NOL10: variants seen among roughly 807,000 people sequenced by gnomAD.
NOL10 encodes the protein H_NH0074G24.1.
A neutral mutation model predicts 103.5 loss-of-function variants in NOL10; 58 were observed. That is an observed-to-expected ratio of 0.56 (90% CI 0.45 to 0.70). NOL10 has a LOEUF of 0.70. NOL10 is among the 30% of genes least tolerant of loss of function. The probability of loss-of-function intolerance (pLI) is 0.00; values close to 1 mark genes in which losing one functional copy is unlikely to be tolerated. For missense variants in NOL10, 763 were observed against 807.3 expected (o/e 0.95, Z 0.67); for synonymous variants, 287 against 282.5 (o/e 1.02, Z -0.16).
intron 3 of NOL10, among the ~76,000 whole-genome samples, chr2:10,677,763 G>A (rs1331224856): frequency 2.0e-5 from 3 of 151,940 alleles, no homozygotes; most frequent in African/African-American, 2.4e-5. Context: ...GTGAGCCACC[G>A]CACCCAGCTT....
At chr2:10,646,841 T>A (rs1679103531) in intron 12 of NOL10, among the ~76,000 whole-genome samples, 1 of 152,082 alleles carries the variant, frequency 6.6e-6, no homozygotes, top group Non-Finnish European at 1.5e-5. Context: ...TCCTGCATGA[T>A]CAAGTAAGAA....
intron 13 of NOL10, among the ~76,000 whole-genome samples, chr2:10,637,531 G>T (rs1015491381): frequency 6.6e-6 from 1 of 152,212 alleles, no homozygotes; most frequent in African/African-American, 2.4e-5. Context: ...TGAACCCTGT[G>T]ATGGCGTCAG....
intron 6 of NOL10, among the ~76,000 whole-genome samples, chr2:10,669,986 G>A (rs536893590): frequency 5.3e-5 from 8 of 152,088 alleles, no homozygotes; most frequent in Non-Finnish European, 8.8e-5. Context: ...GCCAAAGCAA[G>A]AGGATCTTTT....
chr2:10,622,077 G>A (rs1310385409), intron 13 of NOL10: 1 of 471,122 alleles, frequency 2.1e-6, no homozygotes, highest in East Asian at 6.9e-5. Flanking sequence ...AGCAGATATA[G>A]AACGTGTCCG....
intron 13 of NOL10, among the ~76,000 whole-genome samples, chr2:10,612,466 G>A (rs1276047422): frequency 6.6e-6 from 1 of 151,934 alleles, no homozygotes; most frequent in African/African-American, 2.4e-5. Context: ...TGATAACATA[G>A]AACAGCCATT....
In NOL10 at chr2:10,675,881, A is replaced by G. The variant is rs1319757418; in HGVS notation, c.212-10T>C. ...CGAGGTTTATATGTTCCTACAAAAA[A>G]TTAATGTGATGTAAAACCTAAAGAC... On this transcript the variant is annotated splice_polypyrimidine_tract_variant and intron_variant, in intron 3 of 20. Transcript: ENST00000381685. The G allele has an allele frequency of 1.3e-6, 2 of 1,491,702 alleles. No individual in the cohort carries two copies. Among genetic ancestry groups the G allele is most frequent in the Middle Eastern group, 1.7e-4 (1 of 5,760 alleles). The allele number at this position is 1,491,702 out of a possible 1,614,324, so 92.4% of individuals were successfully genotyped here.
intron 17 of NOL10, among the ~76,000 whole-genome samples, chr2:10,598,331 G>A (rs903598284): frequency 1.3e-5 from 2 of 152,114 alleles, no homozygotes; most frequent in Admixed American, 1.3e-4. Flanking sequence ...TTCAGATACC[G>A]AAGACAAACT....
chr2:10,631,368 A>G (rs1677827814), intron 13 of NOL10, among the ~76,000 whole-genome samples: 1 of 152,222 alleles, frequency 6.6e-6, no homozygotes, highest in Non-Finnish European at 1.5e-5. Flanking sequence ...ATTCTTTTCA[A>G]TCTTTAAAAC....
At position 10,577,615 on chromosome 2, in the gene NOL10, TAAC is replaced by T. The variant is rs779010981; in HGVS notation, c.1947+18_1947+20del. 37 of 1,554,168 alleles carry T rather than the reference TAAC, an allele frequency of 2.4e-5. No individual in the cohort carries two copies. Among genetic ancestry groups the T allele is most frequent in the Non-Finnish European group, 2.6e-6 (3 of 1,133,292 alleles). The stretch of plus-strand genomic sequence containing the variant: ...TATTTTTCTTTTGTGAATTAAAAAA[TAAC>T]AATAAAAGACAACTCACCCTCTTTA... On this transcript the variant is annotated intron_variant, in intron 20 of 20. Transcript: ENST00000381685.
At position 10,603,126 on chromosome 2, in the gene NOL10, G is replaced by C; in HGVS notation, c.1185C>G (p.Leu395=). Residue 395 remains leucine (L), a synonymous_variant, in exon 15 of 21, where the codon CTC becomes CTG. Coordinates refer to ENST00000381685, the MANE Select transcript of NOL10 (RefSeq NM_024894.4). ...GLTHLIGSPF[L]RAYMHGFFMD... ...TGAAAAACCCATGCATATATGCCCG[G>C]AGGAAAGGAGATCCAATGAGGTGGG... is the stretch of plus-strand genomic sequence containing the variant. 2 of 1,611,814 alleles carry C rather than the reference G, an allele frequency of 1.2e-6. No homozygotes were observed. Among genetic ancestry groups the C allele is most frequent in the Non-Finnish European group, 1.7e-6 (2 of 1,178,842 alleles).
chr2:10,603,330 G>A (rs1676085332), intron 14 of NOL10, among the ~76,000 whole-genome samples, 173 bp from the exon 15 acceptor site: 1 of 152,100 alleles, frequency 6.6e-6, no homozygotes, highest in East Asian at 1.9e-4. Flanking sequence ...ATCTACTTCA[G>A]CAATATCATC....
At chr2:10,676,791 T>C (rs1335914094) in intron 3 of NOL10, among the ~76,000 whole-genome samples, 1 of 150,934 alleles carries the variant, frequency 6.6e-6, no homozygotes, top group Non-Finnish European at 1.5e-5. Flanking sequence ...GTGCAGGCCA[T>C]GATGCCCAGC....
intron 1 of NOL10, among the ~76,000 whole-genome samples, chr2:10,686,490 C>T (rs565183327): frequency 7.2e-5 from 11 of 152,272 alleles, no homozygotes; most frequent in Middle Eastern, 6.8e-3. Context: ...CTGCTTTTCA[C>T]CCCCAAGAGA....
At chr2:10,671,395 CTG>C (rs1309948605) in intron 6 of NOL10, among the ~76,000 whole-genome samples, 157 bp downstream of exon 6, 3 of 149,610 alleles carry the variant, frequency 2.0e-5, no homozygotes, top group Non-Finnish European at 4.4e-5. Flanking sequence ...TTTGCCTATC[CTG>C]TGTTTTCTTT....
intron 20 of NOL10, among the ~76,000 whole-genome samples, chr2:10,572,823 AC>A (rs1674248976): frequency 6.6e-6 from 1 of 152,138 alleles, no homozygotes; most frequent in Non-Finnish European, 1.5e-5. Flanking sequence ...AGCTGCAATA[AC>A]CATGTGGACT....
chr2:10,659,281 T>A (rs1396782981), intron 9 of NOL10, 31 bp from the exon 10 acceptor site: 2 of 1,237,626 alleles, frequency 1.6e-6, no homozygotes. Flanking sequence ...GCTTCATGAA[T>A]ATACGGCCAA....
intron 11 of NOL10, among the ~76,000 whole-genome samples, chr2:10,655,730 T>C (rs1410285865): frequency 2.6e-5 from 4 of 152,216 alleles, no homozygotes; most frequent in Admixed American, 6.5e-5. Flanking sequence ...TGTGATGATT[T>C]CAAGAAGTGA....
intron 4 of NOL10, among the ~76,000 whole-genome samples, chr2:10,675,464 G>A (rs922047365): frequency 6.6e-6 from 1 of 151,706 alleles, no homozygotes. Context: ...GTTTGGGGGG[G>A]GTGCATTCTC....
rs57494359 is a variant in NOL10 at position 10,645,944 on chromosome 2, T to TACACACACACACAC, written c.974-1586_974-1573dup. Among the ~76,000 whole-genome samples the TACACACACACACAC allele has an allele frequency of 2.3e-3, 339 of 147,672 alleles. 1 individual carries two copies. The highest frequency in any genetic ancestry group is 7.5e-3 in the African/African-American group (303 of 40,422). On this transcript the variant is annotated intron_variant, in intron 12 of 20. Transcript: ENST00000381685. ...TGCACACAAAACACACACACACACA[T>TACACACACACACAC]ACACACACACACACACACACACACC... is the stretch of plus-strand genomic sequence containing the variant.
Sources: allele counts gnomAD v4.1 joint callset (sites outside exome capture counted in the v4.1 genomes callset), GRCh38; gene constraint gnomAD v4.1.1; transcripts MANE v1.5; gene names NCBI Gene and HGNC (gene_info 2026-07-23, HGNC 2026-07-21).